GLI3: variants seen among roughly 807,000 people sequenced by gnomAD.
The protein encoded by GLI3 is transcription activator GLI3.
In GLI3, 20 loss-of-function variants were observed where a neutral mutation model predicts 100.8. The ratio of observed to expected loss-of-function variants is 0.20; its 90% CI spans 0.14 to 0.29. GLI3 has a LOEUF of 0.29. Ranked by LOEUF, GLI3 falls within the 10% of genes least tolerant of loss-of-function variation. The probability of loss-of-function intolerance (pLI) is 1.00; values close to 1 mark genes in which losing one functional copy is unlikely to be tolerated. For synonymous variants in GLI3, 938 were observed against 860.5 expected, an observed-to-expected ratio of 1.09 and a Z score of -1.58; for missense variants, 2,040 against 2,128.5, an observed-to-expected ratio of 0.96 and a Z score of 0.82.
rs558531592 is a variant in GLI3 at position 42,147,112 on chromosome 7, G to T, written c.367+1114C>A. The stretch of plus-strand genomic sequence containing the variant: ...CTTTTCCAACAATATAATCTGGTTG[G>T]GGGGGAGGTGGTGCGGGGTAGCGGT... On this transcript the variant is annotated intron_variant, in intron 3 of 14. Transcript: ENST00000395925. Among the ~76,000 whole-genome samples the T allele has an allele frequency of 7.9e-5, 12 of 152,222 alleles. No homozygotes were observed. The South Asian group carries it at 1.2e-3, about 16-fold the overall frequency.
chr7:41,961,173 GTGT>G lies in GLI3; in HGVS notation c.*3154_*3156del. 1 of 152,474 alleles carries G rather than the reference GTGT, an allele frequency of 6.6e-6. No homozygotes were observed. Among genetic ancestry groups the G allele is most frequent in the African/African-American group, 2.4e-5 (1 of 41,386 alleles). 9.4% of individuals were successfully genotyped at this position (152,474 alleles called of 1,614,324 possible). On this transcript the variant is annotated 3_prime_UTR_variant, in exon 15 of 15. Transcript: ENST00000395925. ...CTACAATACTTAAATGTATTTACATGTGTTTCTTTTAAAAAAAGGATTACACAT... is the reference window on the plus strand; with the variant it reads ...CTACAATACTTAAATGTATTTACATGTTCTTTTAAAAAAAGGATTACACAT...
intron 10 of GLI3, among the ~76,000 whole-genome samples, chr7:42,006,597 G>T (rs1473396575): frequency 6.6e-6 from 1 of 152,160 alleles, no homozygotes; most frequent in Non-Finnish European, 1.5e-5. Flanking sequence ...TATCCTATCA[G>T]GGGACAGGCC....
chr7:42,068,205 T>C (rs1434207417), intron 4 of GLI3, among the ~76,000 whole-genome samples: 1 of 152,234 alleles, frequency 6.6e-6, no homozygotes, highest in Non-Finnish European at 1.5e-5. Flanking sequence ...AACACAGAGT[T>C]ATAAAAATTG....
intron 3 of GLI3, among the ~76,000 whole-genome samples, chr7:42,077,820 C>A (rs143580819): frequency 1.3e-5 from 2 of 152,162 alleles, no homozygotes; most frequent in East Asian, 3.9e-4. Context: ...TCAAGGTTTT[C>A]CCAAGTTTCA....
At position 42,099,008 on chromosome 7, in the gene GLI3, C is replaced by A. The variant is rs1217215160; in HGVS notation, c.368-22151G>T. Among the ~76,000 whole-genome samples the A allele has an allele frequency of 2.6e-5, 4 of 152,136 alleles. No homozygotes were observed. The South Asian group carries it at 8.3e-4, about 31-fold the overall frequency. On this transcript the variant is annotated intron_variant, in intron 3 of 14. Coordinates refer to ENST00000395925, the MANE Select transcript of GLI3 (RefSeq NM_000168.6). ...CGCCATTCATCCAGGGATACATCTG[C>A]CCTGAGAGTGGCTCTATCCCCTGCC...
chr7:42,189,321 C>T (rs1787781176), intron 2 of GLI3, among the ~76,000 whole-genome samples: 1 of 152,154 alleles, frequency 6.6e-6, no homozygotes, highest in African/African-American at 2.4e-5. Flanking sequence ...AAATCCTAAA[C>T]ACATTCACAC....
intron 2 of GLI3, among the ~76,000 whole-genome samples, chr7:42,187,356 AT>A (rs1423851886): frequency 2.6e-5 from 4 of 152,166 alleles, no homozygotes; most frequent in African/African-American, 9.7e-5. Context: ...ATTGTTTAAT[AT>A]TTGTATTAAC....
intron 2 of GLI3, among the ~76,000 whole-genome samples, chr7:42,209,350 C>G (rs533096743): frequency 5.9e-5 from 9 of 152,274 alleles, no homozygotes; most frequent in African/African-American, 2.2e-4. Flanking sequence ...CATGCCTGGT[C>G]TCTGGAATAG....
rs150756734 is a variant in GLI3, at chr7:42,263,775, T to C, written c.-43+219A>G. ...ATCTTGATGCCTTTTGAAATTCCCC[T>C]AGCTGTATGCTGCAGAGGCTGCAAG... is the stretch of plus-strand genomic sequence containing the variant. On this transcript the variant is annotated intron_variant, in intron 1 of 2. Transcript: ENST00000678978. 6.7e-3 allele frequency among the ~76,000 whole-genome samples: 1,013 copies of C among 152,276 alleles called. 10 individuals carry two copies. The highest frequency in any genetic ancestry group is 0.022 in the African/African-American group (933 of 41,550).
intron 2 of GLI3, among the ~76,000 whole-genome samples, chr7:42,218,960 T>C (rs1788429885): frequency 6.6e-6 from 1 of 152,162 alleles, no homozygotes; most frequent in South Asian, 2.1e-4. Context: ...ATTTGCAAAT[T>C]GTTGAAAAAA....
At chr7:42,194,781 TCGGAG>T in intron 2 of GLI3, among the ~76,000 whole-genome samples, 2 of 148,138 alleles carry the variant, frequency 1.4e-5, no homozygotes, top group Non-Finnish European at 1.5e-5. Context: ...TTTTTTGGAG[TCGGAG>T]TTTCACTCTG....
intron 10 of GLI3, among the ~76,000 whole-genome samples, chr7:42,012,797 G>C (rs1228766578): frequency 6.6e-6 from 1 of 152,180 alleles, no homozygotes; most frequent in Non-Finnish European, 1.5e-5. Flanking sequence ...ATACAGTGAG[G>C]GCTGTGTTTC....
At chr7:42,247,186 C>T (rs1299721888) in intron 1 of GLI3, among the ~76,000 whole-genome samples, 4 of 152,100 alleles carry the variant, frequency 2.6e-5, no homozygotes, top group Non-Finnish European at 4.4e-5. Context: ...TTTTTATTAT[C>T]GATTACAAGT....
intron 10 of GLI3, among the ~76,000 whole-genome samples, chr7:42,009,105 T>A (rs1487454799): frequency 1.3e-5 from 2 of 152,198 alleles, no homozygotes; most frequent in Admixed American, 1.3e-4. Context: ...GCCCTTATCA[T>A]CCACCCAACA....
intron 10 of GLI3, among the ~76,000 whole-genome samples, chr7:42,010,890 T>C (rs147787421): frequency 3.9e-5 from 6 of 152,200 alleles, no homozygotes; most frequent in African/African-American, 1.4e-4. Flanking sequence ...TTTTTAAGAT[T>C]CCACAACTAG....
intron 3 of GLI3, among the ~76,000 whole-genome samples, chr7:42,122,132 A>C (rs924527531): frequency 6.6e-6 from 1 of 151,750 alleles, no homozygotes; most frequent in African/African-American, 2.4e-5. Flanking sequence ...TTAAAATGAA[A>C]AATGCTATTT....
At chr7:42,174,512 A>G (rs558443411) in intron 2 of GLI3, among the ~76,000 whole-genome samples, 4 of 152,186 alleles carry the variant, frequency 2.6e-5, no homozygotes, top group Non-Finnish European at 5.9e-5. Flanking sequence ...TGGAAACGTT[A>G]AAAGCTCCGT....
intron 2 of GLI3, among the ~76,000 whole-genome samples, chr7:42,203,288 G>C (rs543122812): frequency 6.6e-6 from 1 of 151,960 alleles, no homozygotes; most frequent in African/African-American, 2.4e-5. Flanking sequence ...TACAATGTAG[G>C]GTCATTAACT....
intron 2 of GLI3, among the ~76,000 whole-genome samples, chr7:42,211,956 A>T (rs1262137427): frequency 1.3e-5 from 2 of 152,184 alleles, no homozygotes; most frequent in African/African-American, 4.8e-5. Flanking sequence ...TCCATTTTCC[A>T]TTCAACTTTT....
Sources: allele counts gnomAD v4.1 joint callset (sites outside exome capture counted in the v4.1 genomes callset), GRCh38; gene constraint gnomAD v4.1.1; transcripts MANE v1.5; gene names NCBI Gene and HGNC (gene_info 2026-07-23, HGNC 2026-07-21).